SQOR: variants seen among roughly 807,000 people sequenced by gnomAD.
The protein encoded by SQOR is sulfide:quinone oxidoreductase, mitochondrial.
Under a neutral mutation model 48.6 loss-of-function variants are expected in SQOR, and 39 were observed. The ratio of observed to expected loss-of-function variants is 0.80; its 90% CI spans 0.62 to 1.05. The LOEUF is 1.05. Among genes scored for constraint, SQOR ranks in the 50% least tolerant of loss-of-function variants. The pLI is 0.00. For missense variants in SQOR, 561 were observed against 559.9 expected, an observed-to-expected ratio of 1.00 and a Z score of -0.02; for synonymous variants, 220 against 206.2, an observed-to-expected ratio of 1.07 and a Z score of -0.57.
intron 9 of SQOR, among the ~76,000 whole-genome samples, chr15:45,689,938 G>T (rs1194312933): frequency 6.6e-6 from 1 of 152,074 alleles, no homozygotes; most frequent in Non-Finnish European, 1.5e-5. Flanking sequence ...CACTCTTTGT[G>T]TTTAAATTTC....
At chr15:45,633,397 T>G (rs2140933333), upstream of SQOR, among the ~76,000 whole-genome samples, 1 of 152,280 alleles carries the variant, frequency 6.6e-6, no homozygotes, top group South Asian at 2.1e-4. Context: ...TTATTTGCCA[T>G]TTCAAAAAAT....
intron 2 of SQOR, among the ~76,000 whole-genome samples, chr15:45,660,942 T>C (rs1889706036): frequency 1.3e-5 from 2 of 152,146 alleles, no homozygotes; most frequent in African/African-American, 4.8e-5. Flanking sequence ...TAAACAAATC[T>C]GCCCTTTGCC....
intron 1 of SQOR, among the ~76,000 whole-genome samples, chr15:45,648,232 C>G (rs1889385000): frequency 1.3e-5 from 2 of 151,852 alleles, no homozygotes; most frequent in South Asian, 4.2e-4. Flanking sequence ...GGCTGGAGTG[C>G]AGTGGCACGA....
chr15:45,680,091 C>G (rs1318006482), intron 6 of SQOR, among the ~76,000 whole-genome samples: 1 of 152,032 alleles, frequency 6.6e-6, no homozygotes, highest in Non-Finnish European at 1.5e-5. Context: ...TTTTTTCTTT[C>G]TTTCTTTTTT....
At chr15:45,655,901 G>T (rs1200935558) in intron 1 of SQOR, among the ~76,000 whole-genome samples, 1 of 151,452 alleles carries the variant, frequency 6.6e-6, no homozygotes, top group African/African-American at 2.4e-5. Context: ...TGGCCAGGAT[G>T]GTCTCGATCT....
intron 1 of SQOR, among the ~76,000 whole-genome samples, chr15:45,638,071 G>C (rs957455208): frequency 4.6e-5 from 7 of 152,212 alleles, no homozygotes; most frequent in African/African-American, 1.7e-4. Context: ...AGTAGATCTA[G>C]CCAACCATCC....
Position 45,659,183 on chromosome 15 carries a change from GGTGTGTGTGTACGT to G in SQOR, c.234+37_234+50del, listed in dbSNP as rs1566918130. ...GTAAGCCTCCCCTTTTGAGGGCCTG[GGTGTGTGTGTACGT>G]GTGTGTGTGTGTGAGTGTGTGTGTG... On this transcript the variant is annotated intron_variant, in intron 2 of 9. Coordinates refer to ENST00000260324, the MANE Select transcript of SQOR (RefSeq NM_021199.4). 6.1e-6 allele frequency: 9 copies of G among 1,482,762 alleles called. No homozygotes were observed. The South Asian group carries it at 6.7e-5, about 11-fold the overall frequency. The allele number at this position is 1,482,762 out of a possible 1,614,324, so 91.9% of individuals were successfully genotyped here.
intron 7 of SQOR, among the ~76,000 whole-genome samples, chr15:45,687,006 C>G (rs1457740361): frequency 1.3e-5 from 2 of 152,048 alleles, no homozygotes; most frequent in Admixed American, 6.6e-5. Flanking sequence ...ACAGGTTTCA[C>G]CATGTTGGCC....
intron 7 of SQOR, among the ~76,000 whole-genome samples, chr15:45,687,163 A>T (rs1890239775): frequency 6.6e-6 from 1 of 151,868 alleles, no homozygotes; most frequent in Non-Finnish European, 1.5e-5. Flanking sequence ...GTCTCACTTT[A>T]TCCCCAAGGG....
At position 45,673,713 on chromosome 15, in the gene SQOR, A is replaced by G. The variant is rs1424894738; in HGVS notation, c.566A>G (p.Asn189Ser). 3 of 1,614,028 alleles carry G rather than the reference A, an allele frequency of 1.9e-6. No individual in the cohort carries two copies. The highest frequency in any genetic ancestry group is 1.3e-5 in the African/African-American group (1 of 74,938). Residue 189 changes from asparagine (N) to serine (S), a missense_variant, in exon 5 of 10, where the codon AAT becomes AGT. Asn to Ser is a conservative substitution (Grantham distance 46). Coordinates refer to ENST00000260324, the MANE Select transcript of SQOR (RefSeq NM_021199.4). The part of the protein sequence containing the change: ...WKALQDFKEG[N>S]AIFTFPNTPV... ...GCTCTGCAGGACTTCAAAGAGGGCA[A>G]TGCCATCTTCACCTTCCCAAATACT...
intron 4 of SQOR, 120 bp from the exon 5 acceptor site, chr15:45,673,486 TG>T: frequency 9.4e-7 from 1 of 1,064,060 alleles, no homozygotes; most frequent in East Asian, 2.4e-5. Flanking sequence ...TCTAGGCATG[TG>T]GGTATTGGAG....
At chr15:45,658,598 A>G (rs1390337991) in intron 1 of SQOR, among the ~76,000 whole-genome samples, 5 of 152,182 alleles carry the variant, frequency 3.3e-5, no homozygotes, top group Non-Finnish European at 7.3e-5. Context: ...TTACGGATGG[A>G]CAAGGATGGG....
rs376207339 is a variant in SQOR, at chr15:45,690,994, G to T, written c.1317G>T (p.Ala439=). 6.2e-7 allele frequency: 1 copy of T among 1,614,172 alleles called. No homozygotes were observed. Among genetic ancestry groups the T allele is most frequent in the African/African-American group, 1.3e-5 (1 of 75,034 alleles). ...ACAGGGGTTACTGGGGAGGACCAGCGTTTCTGCGCAAGTTGTTTCATCTAG... is the reference window on the plus strand; with the variant it reads ...ACAGGGGTTACTGGGGAGGACCAGCTTTTCTGCGCAAGTTGTTTCATCTAG... ...MMLRGYWGGP[A]FLRKLFHLGM... is the part of the protein sequence containing the mutation. Residue 439 remains alanine (A), a synonymous_variant, in exon 10 of 10, where the codon GCG becomes GCT. Transcript: ENST00000260324.
chr15:45,641,450 C>T (rs1895103371), intron 1 of SQOR, among the ~76,000 whole-genome samples: 1 of 152,182 alleles, frequency 6.6e-6, no homozygotes, highest in Admixed American at 6.5e-5. Flanking sequence ...TTCCTATTTC[C>T]CCAGTGACTC....
At chr15:45,647,663 C>T (rs1400808967) in intron 1 of SQOR, among the ~76,000 whole-genome samples, 2 of 151,458 alleles carry the variant, frequency 1.3e-5, no homozygotes, top group Non-Finnish European at 2.9e-5. Context: ...GCCGGTAAAT[C>T]GCAGCACTTT....
At position 45,659,024 on chromosome 15, in the gene SQOR, C is replaced by A. The variant is rs1424896061; in HGVS notation, c.101C>A (p.Thr34Asn). Reference protein sequence around the residue: ...TQQVGPLQLHTGASHAARNHY... With the variant: ...TQQVGPLQLHNGASHAARNHY... ...CAGGTCGGCCCCCTTCAGCTGCACACCGGGGCCAGCCATGCGGCCAGGAAC... is the reference window on the plus strand; with the variant it reads ...CAGGTCGGCCCCCTTCAGCTGCACAACGGGGCCAGCCATGCGGCCAGGAAC... Residue 34 changes from threonine to asparagine, a missense_variant, in exon 2 of 10, where the codon ACC (threonine) becomes AAC (asparagine). Transcript: ENST00000260324. 2 of 1,602,124 alleles carry A rather than the reference C, an allele frequency of 1.2e-6. No homozygotes were observed. The highest frequency in any genetic ancestry group is 1.1e-5 in the South Asian group (1 of 89,122).
intron 7 of SQOR, among the ~76,000 whole-genome samples, chr15:45,687,405 CCCAT>C (rs1890243451): frequency 6.6e-6 from 1 of 152,226 alleles, no homozygotes; most frequent in South Asian, 2.1e-4. Flanking sequence ...AGCCACCATG[CCCAT>C]CTGGGCAGTC....
At position 45,669,724 on chromosome 15, in the gene SQOR, A is replaced by G. The variant is rs571704900; in HGVS notation, c.406-204A>G. Among the ~76,000 whole-genome samples, 226 of 152,110 alleles carry G rather than the reference A, an allele frequency of 1.5e-3. 1 individual carries two copies. The highest frequency in any genetic ancestry group is 2.9e-3 in the Non-Finnish European group (196 of 68,006). On this transcript the variant is annotated intron_variant, in intron 3 of 9. Transcript: ENST00000260324. ...CCCTGCCAGTCTGCCCACCTCCCCC[A>G]GCCCCAAGACATTCAGATTAAAAAA...
At chr15:45,673,885 G>A (rs1566921623) in intron 5 of SQOR, 84 bp downstream of exon 5, 1 of 1,346,842 alleles carries the variant, frequency 7.4e-7, no homozygotes, top group Non-Finnish European at 1.0e-6. Flanking sequence ...TATCTCTATT[G>A]TAATCCCTTT....
Sources: gnomAD v4.1 joint callset for allele counts (sites outside exome capture counted in the v4.1 genomes callset) on GRCh38, gnomAD v4.1.1 for gene constraint, MANE v1.5 for transcripts, NCBI Gene and HGNC (gene_info 2026-07-23, HGNC 2026-07-21) for gene names.